DSCAML1: variants seen among roughly 807,000 people sequenced by gnomAD.
DSCAML1 encodes DS cell adhesion molecule like 1.
Under a neutral mutation model 200.5 loss-of-function variants are expected in DSCAML1, and 38 were observed. The observed-to-expected ratio is 0.19, with a 90% CI of 0.15 to 0.25. The LOEUF is 0.25. DSCAML1 is among the 10% of genes least tolerant of loss of function. DSCAML1 has a pLI of 1.00. For synonymous variants in DSCAML1, 1,215 were observed against 1,165.0 expected, an observed-to-expected ratio of 1.04 and a Z score of -0.87; for missense variants, 2,223 against 2,858.8, an observed-to-expected ratio of 0.78 and a Z score of 5.07.
At chr11:117,684,434 CTAAAAAAA>C (rs2053367247) in intron 3 of DSCAML1, among the ~76,000 whole-genome samples, 1 of 50,296 alleles carries the variant, frequency 2.0e-5, no homozygotes, top group Admixed American at 2.1e-4. Context: ...ATTTCATTAA[CTAAAAAAA>C]AAAAAAAAAA....
intron 3 of DSCAML1, among the ~76,000 whole-genome samples, chr11:117,542,317 CA>C (rs766192841): frequency 9.8e-6 from 1 of 102,112 alleles, no homozygotes; most frequent in South Asian, 3.8e-4. Context: ...CAAAACAAAA[CA>C]AAACAAAACA....
chr11:117,671,188 A>C (rs1281374736), intron 3 of DSCAML1, among the ~76,000 whole-genome samples: 1 of 152,244 alleles, frequency 6.6e-6, no homozygotes, highest in Admixed American at 6.5e-5. Context: ...TGCCTGTTTA[A>C]GCTAGACTGT....
intron 3 of DSCAML1, among the ~76,000 whole-genome samples, chr11:117,639,628 G>A (rs1565843676): frequency 6.6e-6 from 1 of 152,174 alleles, no homozygotes; most frequent in Non-Finnish European, 1.5e-5. Context: ...CATCCTTGGA[G>A]TGAAGAGGAA....
intron 3 of DSCAML1, among the ~76,000 whole-genome samples, chr11:117,761,614 T>C (rs1184304087): frequency 6.6e-6 from 1 of 152,188 alleles, no homozygotes; most frequent in African/African-American, 2.4e-5. Context: ...CTCATGCCAA[T>C]AATCTCAGCA....
intron 20 of DSCAML1, among the ~76,000 whole-genome samples, chr11:117,445,960 A>G (rs1454412354): frequency 1.1e-4 from 17 of 152,268 alleles, no homozygotes; most frequent in Admixed American, 9.8e-4. Context: ...AGAAGAAACT[A>G]TAGGTAAATA....
chr11:117,431,850 C>A, intron 30 of DSCAML1, 122 bp from the exon 31 acceptor site: 1 of 947,376 alleles, frequency 1.1e-6, no homozygotes, highest in Non-Finnish European at 1.5e-6. Flanking sequence ...CACAGAAGCG[C>A]CCTTGGGAAT....
chr11:117,463,128 G>T lies in DSCAML1; in HGVS notation c.3266-1532C>A, dbSNP rs546826686. Among the ~76,000 whole-genome samples the T allele has an allele frequency of 2.0e-5, 3 of 152,342 alleles. No homozygotes were observed. The highest frequency in any genetic ancestry group is 3.9e-4 in the East Asian group (2 of 5,186). On this transcript the variant is annotated intron_variant, in intron 17 of 32. Coordinates refer to ENST00000651296, the MANE Select transcript of DSCAML1 (RefSeq NM_020693.4). This position sits in a 1 kb window ranked among gnomAD's most constrained non-coding sequence, Gnocchi z 4.0. ...TCCTGCATCTGCGTCACTTGTTCGT[G>T]CATCCAGCCTTGCTCCCAAGCAAAA...
intron 3 of DSCAML1, among the ~76,000 whole-genome samples, chr11:117,716,368 G>A (rs900717564): frequency 5.9e-5 from 9 of 152,194 alleles, no homozygotes; most frequent in Non-Finnish European, 1.3e-4. Flanking sequence ...CTGATTCCCA[G>A]GAGGTCTGCA....
chr11:117,533,926 G>A (rs1190838537), intron 3 of DSCAML1, among the ~76,000 whole-genome samples: 3 of 152,174 alleles, frequency 2.0e-5, no homozygotes, highest in African/African-American at 4.8e-5. Context: ...GATTTCCCAG[G>A]CAGACCCGGA....
intron 5 of DSCAML1, among the ~76,000 whole-genome samples, chr11:117,522,185 C>G (rs1165527192): frequency 6.6e-6 from 1 of 152,206 alleles, no homozygotes; most frequent in Admixed American, 6.5e-5. Context: ...TCTTGCTCAT[C>G]CTTCGCATGG....
intron 3 of DSCAML1, among the ~76,000 whole-genome samples, chr11:117,734,962 C>A (rs549746927): frequency 2.6e-5 from 4 of 152,284 alleles, no homozygotes; most frequent in Non-Finnish European, 5.9e-5. Flanking sequence ...CTGAAGTCAT[C>A]TTTCCTGCAA....
intron 3 of DSCAML1, among the ~76,000 whole-genome samples, chr11:117,638,852 G>GT (rs2052343095): frequency 6.6e-6 from 1 of 152,172 alleles, no homozygotes; most frequent in Non-Finnish European, 1.5e-5. Context: ...CCATGCATAA[G>GT]TTTTTGCGTG....
At chr11:117,764,356 G>C (rs190970973) in intron 3 of DSCAML1, among the ~76,000 whole-genome samples, 6 of 152,240 alleles carry the variant, frequency 3.9e-5, no homozygotes, top group African/African-American at 1.4e-4. Flanking sequence ...CATCATGCAT[G>C]CATGCTATTT....
chr11:117,550,031 T>C (rs2050441795), intron 3 of DSCAML1, among the ~76,000 whole-genome samples: 1 of 152,204 alleles, frequency 6.6e-6, no homozygotes, highest in Non-Finnish European at 1.5e-5. Context: ...TCTTCTCCCT[T>C]GTCTCCTGAC....
In DSCAML1 at chr11:117,458,854, G is replaced by A; in HGVS notation, c.3468C>T (p.Gly1156=). ...CGCTGTAGTTGGTGAACTTCTCCAT[G>A]CCCCGCAGCTCCACCCGCTCCCGCG... ...TTTRERVELR[G]MEKFTNYSVQ... is the part of the protein sequence containing the mutation. The change falls in exon 19 of 33, where the codon GGC becomes GGT. Residue 1156 remains glycine, a synonymous_variant. Coordinates refer to ENST00000651296, the MANE Select transcript of DSCAML1 (RefSeq NM_020693.4). 6.2e-7 allele frequency: 1 copy of A among 1,614,032 alleles called. No homozygotes were observed. Among genetic ancestry groups the A allele is most frequent in the Non-Finnish European group, 8.5e-7 (1 of 1,180,004 alleles).
At chr11:117,609,994 A>G (rs2051654958) in intron 3 of DSCAML1, among the ~76,000 whole-genome samples, 1 of 152,146 alleles carries the variant, frequency 6.6e-6, no homozygotes, top group African/African-American at 2.4e-5. Flanking sequence ...AGGACTGATG[A>G]GGCTGTCCCA....
chr11:117,620,134 C>T (rs147430243), intron 3 of DSCAML1, among the ~76,000 whole-genome samples: 1 of 152,242 alleles, frequency 6.6e-6, no homozygotes, highest in East Asian at 1.9e-4. Flanking sequence ...TTTGAGGTCC[C>T]ATATGTGAAC....
At chr11:117,765,509 C>G (rs903471483) in intron 3 of DSCAML1, among the ~76,000 whole-genome samples, 1 of 152,194 alleles carries the variant, frequency 6.6e-6, no homozygotes, top group Non-Finnish European at 1.5e-5. Flanking sequence ...CTCCTAAATG[C>G]TCACACCTAC....
chr11:117,510,026 C>A lies in DSCAML1; in HGVS notation c.1784-4294G>T, dbSNP rs114979737. ...GCAAGGTGCTGCAATGGTGAAGAGGCAGAGGCCTGAGTGGCTGAGAAGACA... is the reference window on the plus strand; with the variant it reads ...GCAAGGTGCTGCAATGGTGAAGAGGAAGAGGCCTGAGTGGCTGAGAAGACA... On this transcript the variant is annotated intron_variant, in intron 8 of 32. Transcript: ENST00000651296. 7.0e-3 allele frequency among the ~76,000 whole-genome samples: 1,073 copies of A among 152,332 alleles called. 8 individuals are homozygous for A. Among genetic ancestry groups the A allele is most frequent in the African/African-American group, 0.024 (991 of 41,572 alleles).
Sources: gnomAD v4.1 joint callset for allele counts (sites outside exome capture counted in the v4.1 genomes callset) on GRCh38, gnomAD v4.1.1 for gene constraint, Gnocchi (gnomAD v3.1) non-coding constraint, MANE v1.5 for transcripts, NCBI Gene and HGNC (gene_info 2026-07-23, HGNC 2026-07-21) for gene names.